Variants in OSBPL6 observed in about 807,000 individuals in gnomAD.
OSBPL6 encodes the protein oxysterol-binding protein-related protein 6.
OSBPL6 carries 49 observed loss-of-function variants against 125.8 expected under a neutral mutation model. The ratio of observed to expected loss-of-function variants is 0.39; its 90% CI spans 0.31 to 0.49. The LOEUF is 0.49. OSBPL6 is among the 20% of genes least tolerant of loss of function. The probability of loss-of-function intolerance (pLI) is 0.88; values close to 1 mark genes in which losing one functional copy is unlikely to be tolerated. For missense variants in OSBPL6, 986 were observed against 1,135.4 expected (o/e 0.87, Z 1.89); for synonymous variants, 394 against 391.8 (o/e 1.01, Z -0.07).
chr2:178,245,211 C>A (rs1194554980), intron 1 of OSBPL6, among the ~76,000 whole-genome samples: 1 of 152,214 alleles, frequency 6.6e-6, no homozygotes, highest in African/African-American at 2.4e-5. Flanking sequence ...GATGCTTTCT[C>A]TAGACCCAGT....
At chr2:178,373,696 T>A (rs941799516) in intron 14 of OSBPL6, among the ~76,000 whole-genome samples, 194 bp from the exon 15 acceptor site, 3 of 152,232 alleles carry the variant, frequency 2.0e-5, no homozygotes, top group Non-Finnish European at 4.4e-5. Flanking sequence ...ACCTTTCAAC[T>A]ATTCCTTTTG....
intron 21 of OSBPL6, among the ~76,000 whole-genome samples, chr2:178,390,220 A>G (rs2154118315): frequency 6.6e-6 from 1 of 152,360 alleles, no homozygotes; most frequent in South Asian, 2.1e-4. Context: ...CACTTTTTAT[A>G]ACAAAGCCTG....
chr2:178,202,003 G>C (rs1048592893), intron 1 of OSBPL6, among the ~76,000 whole-genome samples: 1 of 152,138 alleles, frequency 6.6e-6, no homozygotes, highest in African/African-American at 2.4e-5. Flanking sequence ...TTTTTAATCA[G>C]CCATTCCAAT....
chr2:178,344,942 C>CA (rs79068282), intron 11 of OSBPL6, among the ~76,000 whole-genome samples: 9,593 of 149,654 alleles, frequency 0.064, 384 homozygotes, highest in South Asian at 0.15. Context: ...GTGGAAATGA[C>CA]AAAAAAAAGA....
intron 2 of OSBPL6, among the ~76,000 whole-genome samples, chr2:178,295,559 A>G (rs1281221172): frequency 4.6e-5 from 7 of 152,078 alleles, no homozygotes; most frequent in African/African-American, 1.7e-4. Flanking sequence ...GCAGAGCACC[A>G]CCTACCCTCC....
In OSBPL6 at chr2:178,295,321, A is replaced by C. The variant is rs573472991; in HGVS notation, c.-156+10200A>C. Among the ~76,000 whole-genome samples, 3 of 152,252 alleles carry C rather than the reference A, an allele frequency of 2.0e-5. No individual in the cohort carries two copies. The South Asian group carries it at 6.2e-4, about 32-fold the overall frequency. On this transcript the variant is annotated intron_variant, in intron 2 of 24. Coordinates refer to ENST00000190611, the MANE Select transcript of OSBPL6 (RefSeq NM_032523.4). ...CCTGGTTCTAAGAATGCATCTTGTTATTTCATAGTCTAGCGGTTACTCCAA... is the reference window on the plus strand; with the variant it reads ...CCTGGTTCTAAGAATGCATCTTGTTCTTTCATAGTCTAGCGGTTACTCCAA...
intron 2 of OSBPL6, among the ~76,000 whole-genome samples, chr2:178,300,491 C>T (rs757216140): frequency 6.6e-6 from 1 of 152,200 alleles, no homozygotes; most frequent in Non-Finnish European, 1.5e-5. Flanking sequence ...GACAGGGTCT[C>T]GCTCTGTCAC....
chr2:178,343,161 T>C (rs1690374129), intron 11 of OSBPL6, among the ~76,000 whole-genome samples: 2 of 152,220 alleles, frequency 1.3e-5, no homozygotes, highest in African/African-American at 2.4e-5. Context: ...AAAGTGGTCC[T>C]ACTGGTTCTT....
chr2:178,215,120 CAG>C (rs2090040270), intron 1 of OSBPL6, among the ~76,000 whole-genome samples: 2 of 146,852 alleles, frequency 1.4e-5, no homozygotes, highest in South Asian at 2.2e-4. Context: ...AAAGAAAAAA[CAG>C]AAACAAAAAA....
intron 1 of OSBPL6, among the ~76,000 whole-genome samples, chr2:178,229,729 C>T (rs1219506766): frequency 6.6e-6 from 1 of 152,134 alleles, no homozygotes; most frequent in Non-Finnish European, 1.5e-5. Context: ...ACGTGGGAAG[C>T]TACAGTGGGA....
chr2:178,239,675 G>A lies in OSBPL6; in HGVS notation c.-351+45001G>A, dbSNP rs530978321. Among the ~76,000 whole-genome samples, 151 of 151,358 alleles carry A rather than the reference G, an allele frequency of 1.0e-3. 1 individual carries two copies. The highest frequency in any genetic ancestry group is 3.5e-3 in the African/African-American group (145 of 41,236). Reference sequence around the variant, plus strand: ...GAGTCTCGCTCTGTCGCCCAGGCTGGAGTGCAGTGGTGTGATCTCGGCTCA... The same window carrying A: ...GAGTCTCGCTCTGTCGCCCAGGCTGAAGTGCAGTGGTGTGATCTCGGCTCA... On this transcript the variant is annotated intron_variant, in intron 1 of 24. Transcript: ENST00000190611.
At chr2:178,246,205 C>G (rs1416216698) in intron 1 of OSBPL6, among the ~76,000 whole-genome samples, 3 of 152,154 alleles carry the variant, frequency 2.0e-5, no homozygotes, top group Non-Finnish European at 4.4e-5. Context: ...TTAGCTGTTT[C>G]TCCTTTATGA....
intron 5 of OSBPL6, among the ~76,000 whole-genome samples, chr2:178,329,500 C>T (rs1364027026): frequency 1.3e-5 from 2 of 151,872 alleles, no homozygotes; most frequent in Non-Finnish European, 2.9e-5. Flanking sequence ...TTGCAACCTC[C>T]ACCTCTCGGG....
chr2:178,385,834 C>G (rs1241591380), intron 19 of OSBPL6, among the ~76,000 whole-genome samples: 1 of 152,194 alleles, frequency 6.6e-6, no homozygotes, highest in Non-Finnish European at 1.5e-5. Context: ...ATGGAGGTTC[C>G]ATCTGCTGCC....
rs115883023 is a variant in OSBPL6 at position 178,302,819 on chromosome 2, G to A, written c.-155-3211G>A. Among the ~76,000 whole-genome samples, 630 of 152,248 alleles carry A rather than the reference G, an allele frequency of 4.1e-3. 3 individuals are homozygous for A. The highest frequency in any genetic ancestry group is 0.015 in the African/African-American group (615 of 41,546). On this transcript the variant is annotated intron_variant, in intron 2 of 24. Coordinates refer to ENST00000190611, the MANE Select transcript of OSBPL6 (RefSeq NM_032523.4). ...CATTGATGTTAATGAAAAAAGTACAGTTTTTTAAATGAAAAAATCCAGCAG... is the reference window on the plus strand; with the variant it reads ...CATTGATGTTAATGAAAAAAGTACAATTTTTTAAATGAAAAAATCCAGCAG...
chr2:178,359,619 A>G (rs1264743144), intron 12 of OSBPL6, among the ~76,000 whole-genome samples: 1 of 152,244 alleles, frequency 6.6e-6, no homozygotes, highest in East Asian at 1.9e-4. Flanking sequence ...TCATTGCAGC[A>G]TTATTCACAA....
At chr2:178,196,238 G>A (rs987325471) in intron 1 of OSBPL6, among the ~76,000 whole-genome samples, 3 of 152,102 alleles carry the variant, frequency 2.0e-5, no homozygotes, top group Non-Finnish European at 2.9e-5. Context: ...GCCCTCATTG[G>A]GAAAGGCCCT....
At chr2:178,329,873 C>A (rs1222753629) in intron 5 of OSBPL6, among the ~76,000 whole-genome samples, 2 of 152,160 alleles carry the variant, frequency 1.3e-5, no homozygotes, top group African/African-American at 4.8e-5. Context: ...TGGCTCAGTG[C>A]AGGGAGGTTA....
intron 3 of OSBPL6, among the ~76,000 whole-genome samples, chr2:178,313,682 T>C (rs1687491865): frequency 6.6e-6 from 1 of 152,246 alleles, no homozygotes; most frequent in Non-Finnish European, 1.5e-5. Context: ...CGTATAATGG[T>C]CCATCTTTTA....
Sources: allele counts gnomAD v4.1 joint callset (sites outside exome capture counted in the v4.1 genomes callset), GRCh38; gene constraint gnomAD v4.1.1; transcripts MANE v1.5; gene names NCBI Gene and HGNC (gene_info 2026-07-23, HGNC 2026-07-21).